ZNF10: variants seen among roughly 807,000 people sequenced by gnomAD.
ZNF10 encodes the protein zinc finger protein 10.
In ZNF10, 8 loss-of-function variants were observed where a neutral mutation model predicts 12.2. The observed-to-expected ratio is 0.66, with a 90% CI of 0.39 to 1.18. ZNF10 has a LOEUF of 1.18. Ranked by LOEUF, ZNF10 falls within the 50% of genes most tolerant of loss-of-function variation. ZNF10 has a pLI of 0.01. For synonymous variants in ZNF10, 229 were observed against 228.2 expected (o/e 1.00, Z -0.03); for missense variants, 603 against 678.9 (o/e 0.89, Z 1.24).
chr12:133,139,646 G>C (rs1307590608), intron 1 of ZNF10, among the ~76,000 whole-genome samples: 2 of 152,182 alleles, frequency 1.3e-5, no homozygotes, highest in Non-Finnish European at 2.9e-5. Flanking sequence ...AGAATTATGA[G>C]GCCCTGAATC....
intron 1 of ZNF10, among the ~76,000 whole-genome samples, chr12:133,142,634 T>C (rs1487167542): frequency 6.6e-6 from 1 of 151,998 alleles, no homozygotes; most frequent in Non-Finnish European, 1.5e-5. Context: ...ATGTAAAAAC[T>C]ACAATGAGAT....
chr12:133,146,272 C>G (rs921582491), intron 2 of ZNF10, among the ~76,000 whole-genome samples: 2 of 152,200 alleles, frequency 1.3e-5, no homozygotes, highest in African/African-American at 4.8e-5. Flanking sequence ...GGGCAACTTT[C>G]TTGCCATATC....
Position 133,157,763 on chromosome 12 carries a change from C to G in ZNF10, c.*795C>G, listed in dbSNP as rs1056025310. 2 of 152,232 alleles carry G rather than the reference C, an allele frequency of 1.3e-5. No individual in the cohort carries two copies. The highest frequency in any genetic ancestry group is 2.9e-5 in the Non-Finnish European group (2 of 68,010). The allele number at this position is 152,232 out of a possible 1,614,324, so 9.4% of individuals were successfully genotyped here. On this transcript the variant is annotated 3_prime_UTR_variant, in exon 5 of 5. Coordinates refer to ENST00000248211, the MANE Select transcript of ZNF10 (RefSeq NM_015394.5). ...GAGTACCACCTGTTAATGAGCTTTCCTATTCTAAATTGTTTTGGGTCACAG... is the reference window on the plus strand; with the variant it reads ...GAGTACCACCTGTTAATGAGCTTTCGTATTCTAAATTGTTTTGGGTCACAG...
rs1456790836 is a variant in ZNF10 at position 133,159,311 on chromosome 12, G to A, written c.*2343G>A. 2 of 152,198 alleles carry A rather than the reference G, an allele frequency of 1.3e-5. No individual in the cohort carries two copies. Among genetic ancestry groups the A allele is most frequent in the Admixed American group, 6.5e-5 (1 of 15,280 alleles). 9.4% of individuals were successfully genotyped at this position (152,198 alleles called of 1,614,324 possible). On this transcript the variant is annotated 3_prime_UTR_variant, in exon 5 of 5. Transcript: ENST00000248211. ...AGCATAATATTTGTGGCATATCCGT[G>A]TAATGGAAGATTATGCAGGCATTAA...
intron 1 of ZNF10, chr12:133,143,604 G>A (rs1161997392): frequency 6.6e-6 from 1 of 152,192 alleles, no homozygotes; most frequent in Non-Finnish European, 1.5e-5. Context: ...AACAGCACTG[G>A]CGAATGGTAA....
At position 133,157,041 on chromosome 12, in the gene ZNF10, A is replaced by C; in HGVS notation, c.*73A>C. 1 of 1,280,406 alleles carries C rather than the reference A, an allele frequency of 7.8e-7. No individual in the cohort carries two copies. 79.3% of individuals were successfully genotyped at this position (1,280,406 alleles called of 1,614,324 possible). A position where few individuals can be genotyped will look rare whatever the true frequency, so the allele number is the denominator to read the frequency against. On this transcript the variant is annotated 3_prime_UTR_variant, in exon 5 of 5. Transcript: ENST00000248211. ...GAGAACTCCTGGAGATAAGCTGTAC[A>C]AATTGAATCTATGTGGAAATGCTTT...
At chr12:133,146,404 G>A (rs1384014769) in intron 2 of ZNF10, among the ~76,000 whole-genome samples, 1 of 152,182 alleles carries the variant, frequency 6.6e-6, no homozygotes, top group East Asian at 1.9e-4. Context: ...AAACCTGGAG[G>A]GAAGGAGAGA....
intron 2 of ZNF10, among the ~76,000 whole-genome samples, chr12:133,148,099 C>T (rs1332963870): frequency 6.6e-6 from 1 of 152,020 alleles, no homozygotes; most frequent in Non-Finnish European, 1.5e-5. Flanking sequence ...TGGTGAAGCT[C>T]ACTTTGTCAA....
rs771673022 is a variant in ZNF10 at position 133,155,902 on chromosome 12, T to C, written c.656T>C (p.Phe219Ser). The change falls in exon 5 of 5, where the codon TTC (phenylalanine) becomes TCC (serine). Residue 219 changes from phenylalanine (F) to serine (S), a missense_variant. Transcript: ENST00000248211. ...AACAGTAATGAATGTGGTCAAACTT[T>C]CTGTCAAAACATTCACCTTATTCAG... ...ASNSNECGQT[F>S]CQNIHLIQFA... 1 of 1,613,922 alleles carries C rather than the reference T, an allele frequency of 6.2e-7. No individual in the cohort carries two copies. The highest frequency in any genetic ancestry group is 1.1e-5 in the South Asian group (1 of 91,040).
At chr12:133,150,896 A>G (rs1956002967) in intron 2 of ZNF10, 132 bp from the exon 3 acceptor site, 2 of 1,073,946 alleles carry the variant, frequency 1.9e-6, no homozygotes, top group South Asian at 2.0e-5. Flanking sequence ...ACTCACTCCT[A>G]GAATAAATTG....
rs2135465975 is a variant in ZNF10 at position 133,156,461 on chromosome 12, T to C, written c.1215T>C (p.Tyr405=). The change falls in exon 5 of 5, where the codon TAT becomes TAC. Residue 405 remains tyrosine, a synonymous_variant. Transcript: ENST00000248211. ...GAACCCATGTGAGAGTGAGGCCCTA[T>C]GAATGCAATGAATGTGGAAAGTCTT... is the stretch of plus-strand genomic sequence containing the variant. ...HQRTHVRVRP[Y]ECNECGKSYS... The C allele has an allele frequency of 1.2e-6, 2 of 1,613,670 alleles. No homozygotes were observed. The highest frequency in any genetic ancestry group is 1.7e-6 in the Non-Finnish European group (2 of 1,179,750).
rs1207099707 is a variant in ZNF10, at chr12:133,151,042, C to T, written c.48C>T (p.Phe16=). The T allele has an allele frequency of 1.2e-6, 2 of 1,612,564 alleles. No individual in the cohort carries two copies. The highest frequency in any genetic ancestry group is 1.7e-6 in the Non-Finnish European group (2 of 1,178,930). ...TGATGTTGTAGACACTGGTGACCTT[C>T]AAGGATGTATTTGTGGACTTCACCA... ...LTAWSRTLVT[F]KDVFVDFTRE... is the part of the protein sequence containing the mutation. The change falls in exon 3 of 5, where the codon TTC becomes TTT. Residue 16 remains phenylalanine (F), a synonymous_variant. Coordinates refer to ENST00000248211, the MANE Select transcript of ZNF10 (RefSeq NM_015394.5).
At chr12:133,152,192 T>G (rs1028274484) in intron 4 of ZNF10, among the ~76,000 whole-genome samples, 1 of 152,242 alleles carries the variant, frequency 6.6e-6, no homozygotes, top group African/African-American at 2.4e-5. Context: ...ATAGAATCAC[T>G]TCTTGCATTT....
intron 4 of ZNF10, among the ~76,000 whole-genome samples, chr12:133,154,800 G>A (rs917206086): frequency 6.6e-6 from 1 of 152,188 alleles, no homozygotes; most frequent in Non-Finnish European, 1.5e-5. Context: ...AATTGGGCCG[G>A]ACGCACTGGC....
chr12:133,132,236 T>C (rs1042168399), intron 1 of ZNF10, among the ~76,000 whole-genome samples: 15 of 152,000 alleles, frequency 9.9e-5, no homozygotes, highest in African/African-American at 2.9e-4. Flanking sequence ...GTTCTGTTTA[T>C]AGATTATATT....
At chr12:133,137,920 A>G (rs1294850747) in intron 1 of ZNF10, among the ~76,000 whole-genome samples, 1 of 152,142 alleles carries the variant, frequency 6.6e-6, no homozygotes, top group Non-Finnish European at 1.5e-5. Context: ...CCAGTCACAT[A>G]AAAGGATCCT....
chr12:133,148,963 G>T (rs1955992304), intron 2 of ZNF10, among the ~76,000 whole-genome samples: 1 of 151,934 alleles, frequency 6.6e-6, no homozygotes, highest in Non-Finnish European at 1.5e-5. Flanking sequence ...TGTTGGTCAG[G>T]CTGGTCTGGA....
At chr12:133,140,202 CAAAAAAAA>C (rs67577219) in intron 1 of ZNF10, among the ~76,000 whole-genome samples, 3 of 35,202 alleles carry the variant, frequency 8.5e-5, no homozygotes, top group South Asian at 1.8e-3. Flanking sequence ...GACCCTGTCT[CAAAAAAAA>C]AAAAAAAAAA....
intron 3 of ZNF10, 69 bp from the exon 4 acceptor site, chr12:133,151,740 A>G: frequency 1.6e-6 from 2 of 1,218,070 alleles, no homozygotes; most frequent in Non-Finnish European, 2.4e-6. Flanking sequence ...TGAATCTGAG[A>G]TGTTTCTTCG....
Sources: allele counts gnomAD v4.1 joint callset (sites outside exome capture counted in the v4.1 genomes callset), GRCh38; gene constraint gnomAD v4.1.1; transcripts MANE v1.5; gene names NCBI Gene and HGNC (gene_info 2026-07-23, HGNC 2026-07-21).